Variants in BARD1 observed in about 807,000 individuals in gnomAD.
The protein encoded by BARD1 is BRCA1 associated RING domain 1.
Under a neutral mutation model 77.0 loss-of-function variants are expected in BARD1, and 73 were observed. The observed-to-expected ratio is 0.95, with a 90% CI of 0.79 to 1.15. The LOEUF is 1.15. Among genes scored for constraint, BARD1 ranks in the 50% most tolerant of loss-of-function variants. BARD1 has a pLI of 0.00. For missense variants in BARD1, 993 were observed against 938.8 expected, an observed-to-expected ratio of 1.06 and a Z score of -0.75; for synonymous variants, 384 against 338.0, an observed-to-expected ratio of 1.14 and a Z score of -1.49.
At chr2:214,773,061 G>A (rs886585545) in intron 4 of BARD1, among the ~76,000 whole-genome samples, 2 of 152,116 alleles carry the variant, frequency 1.3e-5, no homozygotes, top group Admixed American at 1.3e-4. Context: ...AAATAAGAGT[G>A]TGTGTGTGTC....
chr2:214,766,190 T>C (rs1280606031), intron 6 of BARD1, among the ~76,000 whole-genome samples: 1 of 152,180 alleles, frequency 6.6e-6, no homozygotes, highest in Non-Finnish European at 1.5e-5. Context: ...CTCTTGACAA[T>C]GCCAATTTTA....
intron 10 of BARD1, among the ~76,000 whole-genome samples, chr2:214,729,825 C>A (rs1692269460): frequency 6.6e-6 from 1 of 152,116 alleles, no homozygotes; most frequent in South Asian, 2.1e-4. Context: ...CAGGTCCTTA[C>A]ATATTACCAA....
intron 9 of BARD1, among the ~76,000 whole-genome samples, chr2:214,733,409 T>C (rs1692441428): frequency 6.6e-6 from 1 of 151,252 alleles, no homozygotes; most frequent in Non-Finnish European, 1.5e-5. Flanking sequence ...CTATCTTTAA[T>C]AATTTTGTGC....
At position 214,745,719 on chromosome 2, in the gene BARD1, C is replaced by T. The variant is rs1310430913; in HGVS notation, c.1810+3G>A. The T allele has an allele frequency of 1.2e-6, 2 of 1,613,888 alleles. No individual in the cohort carries two copies. The highest frequency in any genetic ancestry group is 1.3e-5 in the African/African-American group (1 of 74,904). ...CCCACCTCCCAAAATTCAAAATCCTCACCTGTACTGTCAAACTCAGTATAT... is the reference window on the plus strand; with the variant it reads ...CCCACCTCCCAAAATTCAAAATCCTTACCTGTACTGTCAAACTCAGTATAT... On this transcript the variant is annotated splice_donor_region_variant and intron_variant, in intron 8 of 10. Coordinates refer to ENST00000260947, the MANE Select transcript of BARD1 (RefSeq NM_000465.4).
intron 3 of BARD1, among the ~76,000 whole-genome samples, chr2:214,788,628 A>C (rs1025227052): frequency 2.0e-5 from 3 of 152,110 alleles, no homozygotes; most frequent in African/African-American, 4.8e-5. Flanking sequence ...AAAATGTGAG[A>C]GATGTTCACC....
rs766788652 is a variant in BARD1 at position 214,809,418 on chromosome 2, G to A, written c.152C>T (p.Ser51Leu). The A allele has an allele frequency of 6.8e-6, 11 of 1,612,268 alleles. No homozygotes were observed. Among genetic ancestry groups the A allele is most frequent in the Admixed American group, 3.3e-5 (2 of 59,978 alleles). The change falls in exon 1 of 11, where the codon TCG (serine) becomes TTG (leucine). Residue 51 changes from serine to leucine, a missense_variant. By Grantham distance (145) the Ser-to-Leu change is moderately radical (BLOSUM62 -2). Coordinates refer to ENST00000260947, the MANE Select transcript of BARD1 (RefSeq NM_000465.4). ...CAAGAAGCTCCGTCTTTACCAACGCGAGCAGCGCAGCAGCTTCTCCAGGCG... is the reference window on the plus strand; with the variant it reads ...CAAGAAGCTCCGTCTTTACCAACGCAAGCAGCGCAGCAGCTTCTCCAGGCG... ...LDRLEKLLRC[S>L]RCTNILREPV... is the part of the protein sequence containing the mutation.
At chr2:214,807,866 T>C (rs2106166504) in intron 1 of BARD1, among the ~76,000 whole-genome samples, 1 of 152,324 alleles carries the variant, frequency 6.6e-6, no homozygotes, top group East Asian at 1.9e-4. Context: ...CTAACTTTCG[T>C]TGGACTATCA....
chr2:214,769,168 C>T (rs1308034154), intron 5 of BARD1, 64 bp downstream of exon 5: 2 of 1,386,514 alleles, frequency 1.4e-6, no homozygotes, highest in African/African-American at 1.4e-5. Context: ...TAGACAACTA[C>T]ATAACTATAA....
Position 214,745,121 on chromosome 2 carries a change from T to G in BARD1, c.1849A>C (p.Thr617Pro). Residue 617 changes from threonine to proline, a missense_variant, in exon 9 of 11, where the codon ACC (threonine) becomes CCC (proline). Transcript: ENST00000260947. ...AGAATCCCAAGCATACACTTCAAGG[T>G]ACTTTGAACTGCATCACCAGGAACA... The part of the protein sequence containing the change: ...VVVPGDAVQS[T>P]LKCMLGILNG... The G allele has an allele frequency of 6.2e-7, 1 of 1,614,064 alleles. No homozygotes were observed. The highest frequency in any genetic ancestry group is 8.5e-7 in the Non-Finnish European group (1 of 1,179,986).
At chr2:214,796,206 T>C (rs1200658321) in intron 2 of BARD1, among the ~76,000 whole-genome samples, 1 of 152,114 alleles carries the variant, frequency 6.6e-6, no homozygotes, top group African/African-American at 2.4e-5. Context: ...AAATAAGAGA[T>C]AAAAATCTAA....
chr2:214,800,629 T>G (rs1156400991), intron 1 of BARD1, among the ~76,000 whole-genome samples: 1 of 152,200 alleles, frequency 6.6e-6, no homozygotes, highest in Non-Finnish European at 1.5e-5. Context: ...TTAACTCAGC[T>G]ATTCCACTGC....
intron 9 of BARD1, among the ~76,000 whole-genome samples, chr2:214,738,757 C>T (rs1434453988): frequency 6.6e-6 from 1 of 151,974 alleles, no homozygotes; most frequent in East Asian, 1.9e-4. Context: ...GTTAAATGTC[C>T]AAAGGAGGAG....
rs1574757054 is a variant in BARD1, at chr2:214,752,699, G to T, written c.1569-144C>A. On this transcript the variant is annotated intron_variant, in intron 6 of 10. Coordinates refer to ENST00000260947, the MANE Select transcript of BARD1 (RefSeq NM_000465.4). ...GCAGAAGAATCTAGAATCAAAAGCT[G>T]CTGAACTCAAAGGAGAAATGATGTA... The T allele has an allele frequency of 1.1e-5, 8 of 702,164 alleles. No homozygotes were observed. The East Asian group carries it at 2.2e-4, about 19-fold the overall frequency. 43.5% of individuals were successfully genotyped at this position (702,164 alleles called of 1,614,324 possible). A position where few individuals can be genotyped will look rare whatever the true frequency, so the allele number is the denominator to read the frequency against.
intron 9 of BARD1, chr2:214,731,163 C>G (rs1354915475): frequency 4.3e-6 from 1 of 234,948 alleles, no homozygotes; most frequent in African/African-American, 2.3e-5. Flanking sequence ...CTTTTGATGG[C>G]TTGAGTAAGT....
At chr2:214,806,894 G>A (rs1218013738) in intron 1 of BARD1, among the ~76,000 whole-genome samples, 2 of 101,940 alleles carry the variant, frequency 2.0e-5, no homozygotes, top group African/African-American at 3.5e-5. Flanking sequence ...AAAAAAAAAG[G>A]CACCCCATGT....
At chr2:214,785,021 TAA>T (rs10711790) in intron 3 of BARD1, among the ~76,000 whole-genome samples, 544 of 145,828 alleles carry the variant, frequency 3.7e-3, no homozygotes, top group Middle Eastern at 7.0e-3. Flanking sequence ...AAATTATAGT[TAA>T]AAAAAAAAAA....
intron 10 of BARD1, among the ~76,000 whole-genome samples, chr2:214,730,079 A>G (rs1400536221): frequency 1.3e-5 from 2 of 152,208 alleles, no homozygotes; most frequent in African/African-American, 2.4e-5. Flanking sequence ...TAAAGCTACA[A>G]TATGTGGCCA....
rs1553622239 is a variant in BARD1 at position 214,780,754 on chromosome 2, C to T, written c.1120G>A (p.Gly374Ser). ...TTACTGTTTTTCCTCCCTGATGTAC[C>T]ACCAACTTTACGTTTGCATGAAGGT... Reference protein sequence around the residue: ...SPPSCKRKVGGTSGRKNSNMS... With the variant: ...SPPSCKRKVGSTSGRKNSNMS... The change falls in exon 4 of 11, where the codon GGT (glycine) becomes AGT (serine). Residue 374 changes from glycine to serine, a missense_variant. Gly to Ser is a moderately conservative substitution (Grantham distance 56). Coordinates refer to ENST00000260947, the MANE Select transcript of BARD1 (RefSeq NM_000465.4). 6.2e-7 allele frequency: 1 copy of T among 1,613,964 alleles called. No individual in the cohort carries two copies.
chr2:214,797,167 C>CA, intron 1 of BARD1, 50 bp from the exon 2 acceptor site: 4 of 1,362,112 alleles, frequency 2.9e-6, no homozygotes, highest in East Asian at 2.3e-5. Flanking sequence ...GTTAGATAAA[C>CA]ATCTCACACC....
Sources: gnomAD v4.1 joint callset for allele counts (sites outside exome capture counted in the v4.1 genomes callset) on GRCh38, gnomAD v4.1.1 for gene constraint, MANE v1.5 for transcripts, NCBI Gene and HGNC (gene_info 2026-07-23, HGNC 2026-07-21) for gene names.